The following PIKFYVE variants were observed in gnomAD, a reference collection of about 807,000 sequenced individuals.
The protein encoded by PIKFYVE is 1-phosphatidylinositol 3-phosphate 5-kinase.
A neutral mutation model predicts 257.9 loss-of-function variants in PIKFYVE; 122 were observed. The observed-to-expected ratio is 0.47, with a 90% confidence interval of 0.41 to 0.55. The LOEUF is 0.55. PIKFYVE is among the 20% of genes least tolerant of loss of function. The probability of loss-of-function intolerance (pLI) is 0.00; values close to 1 mark genes in which losing one functional copy is unlikely to be tolerated. For missense variants in PIKFYVE, 2,160 were observed against 2,536.6 expected (o/e 0.85, Z 3.19); for synonymous variants, 892 against 868.9 (o/e 1.03, Z -0.47).
Position 208,271,524 on chromosome 2 carries a change from C to T in PIKFYVE, c.5C>T (p.Ala2Val). M[A>V]TDDKTSPTLD... ...TTTGTTTTTCAGACTCATGAAATGG[C>T]CACAGATGATAAGACGTCCCCAACA... Residue 2 changes from alanine (A) to valine (V), a missense_variant, in exon 2 of 42, where the codon GCC becomes GTC. Ala to Val is a moderately conservative substitution (Grantham distance 64). Coordinates refer to ENST00000264380, the MANE Select transcript of PIKFYVE (RefSeq NM_015040.4). 6.2e-7 allele frequency: 1 copy of T among 1,614,048 alleles called. No individual in the cohort carries two copies. The highest frequency in any genetic ancestry group is 8.5e-7 in the Non-Finnish European group (1 of 1,179,988).
At chr2:208,323,886 C>T (rs1696601571) in intron 17 of PIKFYVE, among the ~76,000 whole-genome samples, 1 of 152,134 alleles carries the variant, frequency 6.6e-6, no homozygotes, top group Admixed American at 6.6e-5. Flanking sequence ...TTTCATGTGT[C>T]TGTTGGGTGC....
intron 12 of PIKFYVE, 137 bp from the exon 13 acceptor site, chr2:208,312,099 G>C: frequency 1.4e-6 from 1 of 690,020 alleles, no homozygotes; most frequent in Non-Finnish European, 2.6e-6. Flanking sequence ...AAGCTTTCTT[G>C]AATTTGCCGG....
intron 5 of PIKFYVE, among the ~76,000 whole-genome samples, chr2:208,278,315 A>G (rs997455704): frequency 8.6e-5 from 13 of 151,586 alleles, no homozygotes; most frequent in African/African-American, 3.1e-4. Flanking sequence ...CACCTAAACT[A>G]CTACAGAGTT....
At chr2:208,332,525 C>T (rs1479251132) in intron 23 of PIKFYVE, among the ~76,000 whole-genome samples, 3 of 152,046 alleles carry the variant, frequency 2.0e-5, no homozygotes, top group African/African-American at 4.8e-5. Context: ...GGATGTTCAT[C>T]AGAACATCAT....
chr2:208,346,967 CAG>C (rs1470528750), intron 34 of PIKFYVE, among the ~76,000 whole-genome samples: 1 of 152,152 alleles, frequency 6.6e-6, no homozygotes, highest in East Asian at 1.9e-4. Context: ...TCTCATTGGT[CAG>C]AACTGAGGCT....
chr2:208,304,891 C>T lies in PIKFYVE; in HGVS notation c.1514C>T (p.Ser505Phe). ...CGCACATCAGTCAGCAGTTTCCAGT[C>T]CACAGTGGACAGTGACTCAGCCGCT... ...SKRTSVSSFQ[S>F]TVDSDSAASI... The change falls in exon 12 of 42, where the codon TCC (serine) becomes TTC (phenylalanine). Residue 505 changes from serine (S) to phenylalanine (F), a missense_variant. This residue lies in a region of PIKFYVE where 346 missense variants were observed against 365.6 expected (regional missense o/e 0.95). Transcript: ENST00000264380. 1 of 1,614,194 alleles carries T rather than the reference C, an allele frequency of 6.2e-7. No homozygotes were observed. The highest frequency in any genetic ancestry group is 1.3e-5 in the African/African-American group (1 of 75,052).
chr2:208,274,995 A>G (rs1008733237), intron 3 of PIKFYVE, among the ~76,000 whole-genome samples: 4 of 152,182 alleles, frequency 2.6e-5, no homozygotes, highest in Admixed American at 2.0e-4. Flanking sequence ...TAATATCTCC[A>G]GGTGGAGCCT....
Position 208,304,178 on chromosome 2 carries a change from A to G in PIKFYVE, c.1328A>G (p.Glu443Gly), listed in dbSNP as rs1461311722. 5.0e-6 allele frequency: 8 copies of G among 1,614,134 alleles called. No homozygotes were observed. Among genetic ancestry groups the G allele is most frequent in the Non-Finnish European group, 6.8e-6 (8 of 1,180,006 alleles). Residue 443 changes from glutamate (E) to glycine (G), a missense_variant, in exon 11 of 42, where the codon GAA becomes GGA. Physicochemically the swap from Glu to Gly is moderately conservative, Grantham distance 98. Around this residue, in one of 12 missense-constraint regions of PIKFYVE, gnomAD observed 90 missense variants for 110.6 expected, o/e 0.81. Transcript: ENST00000264380. ...YALYRPLQSTEFSETPSPDSD... is the reference protein window; with the variant it reads ...YALYRPLQSTGFSETPSPDSD... ...CTGTCTTCATCCTTTCAGAGTACAG[A>G]ATTTTCTGAGACGCCTTCTCCCGAC...
chr2:208,270,992 C>G (rs1477668121), intron 1 of PIKFYVE, among the ~76,000 whole-genome samples: 1 of 150,424 alleles, frequency 6.6e-6, no homozygotes. Flanking sequence ...GCCAGGATCA[C>G]GCCACTGCAC....
In PIKFYVE at chr2:208,326,161, A is replaced by G. The variant is rs1175575146; in HGVS notation, c.3350A>G (p.Asn1117Ser). ...LRDLSGLQGMNGSIQAKSIQV... is the reference protein window; with the variant it reads ...LRDLSGLQGMSGSIQAKSIQV... ...GATCTCTCTGGACTTCAGGGCATGA[A>G]TGGAAGTATTCAGGCCAAGTCTATT... is the stretch of plus-strand genomic sequence containing the variant. Residue 1117 changes from asparagine (N) to serine (S), a missense_variant, in exon 20 of 42, where the codon AAT becomes AGT. By Grantham distance (46) the Asn-to-Ser change is conservative. Coordinates refer to ENST00000264380, the MANE Select transcript of PIKFYVE (RefSeq NM_015040.4). 3.7e-6 allele frequency: 6 copies of G among 1,613,908 alleles called. No homozygotes were observed. In the Admixed American group the frequency reaches 1.0e-4, roughly 27 times the overall value.
At position 208,324,172 on chromosome 2, in the gene PIKFYVE, C is replaced by T. The variant is rs1227915793; in HGVS notation, c.2221C>T (p.Arg741Ter). Residue 741 changes from arginine to a stop codon, truncating the protein, a stop_gained, in exon 18 of 42, where the codon CGA becomes TGA. Transcript: ENST00000264380. LOFTEE classifies it high-confidence loss of function. ...GGAATTCTTGAAGAATTATGTCCAG[C>T]GAATAGTTGATGTTCGACCCACCTT... ...EREFLKNYVQ[R>*]IVDVRPTLVL... 5 of 1,613,616 alleles carry T rather than the reference C, an allele frequency of 3.1e-6. No homozygotes were observed. The highest frequency in any genetic ancestry group is 1.7e-4 in the Middle Eastern group (1 of 6,058).
chr2:208,327,745 A>T (rs1697097642), intron 20 of PIKFYVE, among the ~76,000 whole-genome samples: 1 of 152,162 alleles, frequency 6.6e-6, no homozygotes, highest in South Asian at 2.1e-4. Context: ...TTCAATTTTA[A>T]CAGAGAGCTG....
Position 208,340,076 on chromosome 2 carries a change from G to A in PIKFYVE, c.4876G>A (p.Ala1626Thr), listed in dbSNP as rs780155721. The part of the protein sequence containing the change: ...SQVKEKSTMK[A>T]IFANLLPGNS... ...AGTGAAGGAAAAGTCAACCATGAAA[G>A]CCATCTTTGCAAATTTGCTTCCAGG... Residue 1626 changes from alanine (A) to threonine (T), a missense_variant, in exon 31 of 42, where the codon GCC (alanine) becomes ACC (threonine). By Grantham distance (58) the Ala-to-Thr change is moderately conservative. Transcript: ENST00000264380. 1 of 1,613,950 alleles carries A rather than the reference G, an allele frequency of 6.2e-7. No individual in the cohort carries two copies. The highest frequency in any genetic ancestry group is 8.5e-7 in the Non-Finnish European group (1 of 1,179,882).
chr2:208,301,278 G>C (rs1160434460), intron 9 of PIKFYVE, among the ~76,000 whole-genome samples, 184 bp downstream of exon 9: 3 of 152,172 alleles, frequency 2.0e-5, no homozygotes, highest in African/African-American at 7.2e-5. Flanking sequence ...GCAGAGAACA[G>C]ATGCAAGGAG....
At chr2:208,344,069 C>T (rs577755214) in intron 32 of PIKFYVE, among the ~76,000 whole-genome samples, 1 of 152,026 alleles carries the variant, frequency 6.6e-6, no homozygotes, top group African/African-American at 2.4e-5. Flanking sequence ...CCACCCGCCT[C>T]GGCCTCCCAA....
chr2:208,287,259 T>C (rs1340978045), intron 6 of PIKFYVE, among the ~76,000 whole-genome samples: 1 of 86,346 alleles, frequency 1.2e-5, no homozygotes, highest in Admixed American at 1.8e-4. Flanking sequence ...GGTAGTGTAC[T>C]TTTTCTTTTT....
intron 5 of PIKFYVE, among the ~76,000 whole-genome samples, chr2:208,282,864 A>G (rs1209320031): frequency 2.0e-5 from 3 of 152,154 alleles, no homozygotes; most frequent in African/African-American, 7.2e-5. Context: ...GGACGAAACT[A>G]TTCCACCTTA....
intron 4 of PIKFYVE, among the ~76,000 whole-genome samples, chr2:208,277,301 C>T (rs1289570150): frequency 6.6e-6 from 1 of 152,058 alleles, no homozygotes; most frequent in Non-Finnish European, 1.5e-5. Context: ...ATCCTTGTAC[C>T]AGTACCCTGT....
intron 27 of PIKFYVE, 62 bp from the exon 28 acceptor site, chr2:208,336,776 A>T (rs1168936760): frequency 9.2e-7 from 1 of 1,082,352 alleles, no homozygotes; most frequent in Non-Finnish European, 1.4e-6. Flanking sequence ...AAAATTTATA[A>T]ACAGCACTCA....
Sources: allele counts gnomAD v4.1 joint callset (sites outside exome capture counted in the v4.1 genomes callset), GRCh38; gene constraint gnomAD v4.1.1; regional missense constraint gnomAD v4.1.1; transcripts MANE v1.5; gene names NCBI Gene and HGNC (gene_info 2026-07-23, HGNC 2026-07-21).